HSPA14: variants seen among roughly 807,000 people sequenced by gnomAD.
HSPA14 encodes heat shock 70 kDa protein 14.
A neutral mutation model predicts 65.5 loss-of-function variants in HSPA14; 37 were observed. The ratio of observed to expected loss-of-function variants is 0.56; its 90% CI spans 0.43 to 0.74. The LOEUF (loss-of-function observed/expected upper bound fraction) is 0.74, where lower values mean the gene tolerates loss of function less well. HSPA14 is among the 30% of genes least tolerant of loss of function. The probability of loss-of-function intolerance (pLI) is 0.00; values close to 1 mark genes in which losing one functional copy is unlikely to be tolerated. For missense variants in HSPA14, 564 were observed against 607.6 expected (o/e 0.93, Z 0.75); for synonymous variants, 203 against 214.2 (o/e 0.95, Z 0.46).
intron 3 of HSPA14, chr10:14,843,253 G>A (rs1398212028): frequency 7.8e-7 from 1 of 1,280,166 alleles, no homozygotes; most frequent in Non-Finnish European, 1.1e-6. Flanking sequence ...AGTCCCTGGT[G>A]GAAAGAGGCT....
rs544904169 is a variant in HSPA14, at chr10:14,865,442, T to A, written c.994-1641T>A. On this transcript the variant is annotated intron_variant, in intron 10 of 13. Transcript: ENST00000378372. Reference sequence around the variant, plus strand: ...TATTGCCTAGGTTTTCTTCTAGGGTTTTTATGGTTTTAGGTCTAACATTTA... The same window carrying A: ...TATTGCCTAGGTTTTCTTCTAGGGTATTTATGGTTTTAGGTCTAACATTTA... 5.8e-3 allele frequency among the ~76,000 whole-genome samples: 879 copies of A among 152,224 alleles called. 11 individuals carry two copies. The highest frequency in any genetic ancestry group is 0.02 in the African/African-American group (811 of 41,532).
chr10:14,845,225 T>C, intron 3 of HSPA14: 2 of 985,316 alleles, frequency 2.0e-6, no homozygotes, highest in Non-Finnish European at 2.4e-6. Context: ...CTTAAAGCTT[T>C]TAGTGATTTA....
intron 10 of HSPA14, among the ~76,000 whole-genome samples, chr10:14,861,968 C>T (rs1473416086): frequency 3.3e-5 from 5 of 150,554 alleles, no homozygotes; most frequent in African/African-American, 7.3e-5. Flanking sequence ...GCCGAGATCA[C>T]GCCATTGCAC....
In HSPA14 at chr10:14,860,987, T is replaced by C. The variant is rs924286430; in HGVS notation, c.993+5044T>C. ...AACCAGGAAGGCAGGCAAAAACATA[T>C]CCTTAAGGAAGGGAGAGAGCAGCTG... On this transcript the variant is annotated intron_variant, in intron 10 of 13. Coordinates refer to ENST00000378372, the MANE Select transcript of HSPA14 (RefSeq NM_016299.4). Among the ~76,000 whole-genome samples the C allele has an allele frequency of 6.7e-4, 101 of 151,846 alleles. 5 individuals are homozygous for C. Among genetic ancestry groups the C allele is most frequent in the South Asian group, 2.1e-4 (1 of 4,812 alleles).
intron 9 of HSPA14, 51 bp downstream of exon 9, chr10:14,854,331 G>T: frequency 1.4e-6 from 2 of 1,426,312 alleles, no homozygotes; most frequent in Admixed American, 2.3e-5. Flanking sequence ...GAACATGTTT[G>T]TTTAGGTATA....
At position 14,858,329 on chromosome 10, in the gene HSPA14, C is replaced by T. The variant is rs1328333536; in HGVS notation, c.993+2386C>T. Among the ~76,000 whole-genome samples the T allele has an allele frequency of 5.3e-5, 8 of 152,108 alleles. No individual in the cohort carries two copies. The East Asian group carries it at 5.8e-4, about 11-fold the overall frequency. On this transcript the variant is annotated intron_variant, in intron 10 of 13. Transcript: ENST00000378372. ...CAATTCTCAGTTGCTTGAGTTGAGG[C>T]GGAATAGTTTTAGGTTTGAAATTTT...
intron 12 of HSPA14, 142 bp downstream of exon 12, chr10:14,868,051 C>A: frequency 1.5e-6 from 1 of 662,398 alleles, no homozygotes; most frequent in Non-Finnish European, 2.4e-6. Context: ...AGGCTCATTT[C>A]TGAAAATGAA....
intron 7 of HSPA14, 23 bp from the exon 8 acceptor site, chr10:14,852,347 A>C (rs760525969): frequency 5.6e-6 from 9 of 1,598,738 alleles, no homozygotes; most frequent in Admixed American, 1.7e-5. Flanking sequence ...TTCCCTGATA[A>C]CTTACTTTAT....
Position 14,871,600 on chromosome 10 carries a change from A to G in HSPA14, c.1524A>G (p.Ala508=). The G allele has an allele frequency of 6.5e-7, 1 of 1,539,768 alleles. No individual in the cohort carries two copies. The highest frequency in any genetic ancestry group is 1.2e-5 in the South Asian group (1 of 86,194). The change falls in exon 14 of 14, where the codon GCA becomes GCG. Residue 508 remains alanine (A), a synonymous_variant. Transcript: ENST00000378372. Reference sequence around the variant, plus strand: ...GTGAAGCAATCTCTATTGAGATAGCATCTTAGTGTTTTAGAGAAATCAAGA... The same window carrying G: ...GTGAAGCAATCTCTATTGAGATAGCGTCTTAGTGTTTTAGAGAAATCAAGA... The part of the protein sequence containing the change: ...GKCEAISIEI[A]S
At chr10:14,866,519 G>A (rs1832808048) in intron 10 of HSPA14, among the ~76,000 whole-genome samples, 1 of 152,206 alleles carries the variant, frequency 6.6e-6, no homozygotes, top group African/African-American at 2.4e-5. Context: ...TACAGTTTAA[G>A]GGAGCAATTT....
intron 8 of HSPA14, 78 bp from the exon 9 acceptor site, chr10:14,854,047 A>G: frequency 7.6e-7 from 1 of 1,319,630 alleles, no homozygotes; most frequent in Non-Finnish European, 1.0e-6. Flanking sequence ...TGTTTTAATA[A>G]GGATTATCCA....
chr10:14,846,062 T>G, intron 3 of HSPA14: 1 of 973,988 alleles, frequency 1.0e-6, no homozygotes, highest in Non-Finnish European at 1.2e-6. Context: ...TAGCATTCTG[T>G]GGTATTAATA....
At chr10:14,862,175 C>T (rs951662197) in intron 10 of HSPA14, among the ~76,000 whole-genome samples, 1 of 150,416 alleles carries the variant, frequency 6.6e-6, no homozygotes, top group Non-Finnish European at 1.5e-5. Flanking sequence ...TAACAGGCGC[C>T]TGCCACCACA....
At chr10:14,866,247 A>G (rs1832805789) in intron 10 of HSPA14, among the ~76,000 whole-genome samples, 1 of 152,204 alleles carries the variant, frequency 6.6e-6, no homozygotes, top group Non-Finnish European at 1.5e-5. Flanking sequence ...TTTTTAAACA[A>G]AATATCCTAC....
intron 3 of HSPA14, chr10:14,844,878 AT>A: frequency 1.0e-6 from 1 of 985,088 alleles, no homozygotes; most frequent in Non-Finnish European, 1.2e-6. Context: ...CTTTTCTGTT[AT>A]TTTTTTGTCT....
chr10:14,860,032 CTTG>C (rs1223368765), intron 10 of HSPA14, among the ~76,000 whole-genome samples: 2 of 152,040 alleles, frequency 1.3e-5, no homozygotes, highest in African/African-American at 4.8e-5. Flanking sequence ...TTAATACTTC[CTTG>C]TTTTCTTAAT....
At chr10:14,863,122 A>T (rs77680324) in intron 10 of HSPA14, among the ~76,000 whole-genome samples, 9,856 of 152,290 alleles carry the variant, frequency 0.065, 462 homozygotes, top group South Asian at 0.21. Context: ...ATTTCCTAAT[A>T]TGGAACTATC....
At chr10:14,865,815 T>C (rs556472301) in intron 10 of HSPA14, among the ~76,000 whole-genome samples, 1 of 152,338 alleles carries the variant, frequency 6.6e-6, no homozygotes, top group South Asian at 2.1e-4. Context: ...TTTGGTTCCA[T>C]ATGAACTTTA....
chr10:14,839,038 A>G (rs1233476054), intron 1 of HSPA14, among the ~76,000 whole-genome samples: 2 of 152,178 alleles, frequency 1.3e-5, no homozygotes, highest in African/African-American at 4.8e-5. Context: ...GGGAGGCTGC[A>G]GTCGAGCTGG....
Sources: gnomAD v4.1 joint callset for allele counts (sites outside exome capture counted in the v4.1 genomes callset) on GRCh38, gnomAD v4.1.1 for gene constraint, MANE v1.5 for transcripts, NCBI Gene and HGNC (gene_info 2026-07-23, HGNC 2026-07-21) for gene names.